ZNRF1: variants seen among roughly 807,000 people sequenced by gnomAD.
ZNRF1 encodes the protein E3 ubiquitin-protein ligase ZNRF1.
In ZNRF1, 3 loss-of-function variants were observed where a neutral mutation model predicts 18.4. The observed-to-expected ratio is 0.16, with a 90% confidence interval of 0.07 to 0.42. The LOEUF is 0.42. ZNRF1 is among the 10% of genes least tolerant of loss of function. The probability of loss-of-function intolerance (pLI) is 0.99; values close to 1 mark genes in which losing one functional copy is unlikely to be tolerated. For synonymous variants in ZNRF1, 157 were observed against 144.2 expected, an observed-to-expected ratio of 1.09 and a Z score of -0.64; for missense variants, 310 against 329.8, an observed-to-expected ratio of 0.94 and a Z score of 0.47.
Position 74,999,959 on chromosome 16 carries a change from C to T in ZNRF1, c.288C>T (p.Thr96=). 3 of 1,579,580 alleles carry T rather than the reference C, an allele frequency of 1.9e-6. No individual in the cohort carries two copies. Among genetic ancestry groups the T allele is most frequent in the Non-Finnish European group, 2.6e-6 (3 of 1,163,668 alleles). ...PGGGGSASDS[T]YAHGNGYQET... The stretch of plus-strand genomic sequence containing the variant: ...GCGGAGGGTCTGCGTCCGACTCCAC[C>T]TATGCCCATGGCAATGGTTACCAGG... Residue 96 remains threonine, a synonymous_variant, in exon 1 of 5, where the codon ACC becomes ACT. Coordinates refer to ENST00000335325, the MANE Select transcript of ZNRF1 (RefSeq NM_032268.5).
chr16:75,019,277 C>T (rs889061525), intron 1 of ZNRF1, among the ~76,000 whole-genome samples: 1 of 151,820 alleles, frequency 6.6e-6, no homozygotes, highest in African/African-American at 2.4e-5. Context: ...CAGTCTCAAG[C>T]GATCTTCTCA....
rs546473900 is a variant in ZNRF1, at chr16:75,004,175, C to CT, written c.424+4081dup. Among the ~76,000 whole-genome samples the CT allele has an allele frequency of 1.3e-4, 20 of 152,238 alleles. No homozygotes were observed. In the East Asian group the frequency reaches 3.1e-3, roughly 24 times the overall value. ...GGAGAGAGGTTTACAGCTGTGCTAGCTGTAGCCCCCAAATGGAATCTGGTT... is the reference window on the plus strand; with the variant it reads ...GGAGAGAGGTTTACAGCTGTGCTAGCTTGTAGCCCCCAAATGGAATCTGGTT... On this transcript the variant is annotated intron_variant, in intron 1 of 4. Coordinates refer to ENST00000335325, the MANE Select transcript of ZNRF1 (RefSeq NM_032268.5).
chr16:75,032,967 C>A (rs546131735), intron 1 of ZNRF1, among the ~76,000 whole-genome samples: 6 of 152,152 alleles, frequency 3.9e-5, no homozygotes, highest in African/African-American at 9.7e-5. Flanking sequence ...GAGCTGTAAG[C>A]ATGCTGCTGC....
intron 1 of ZNRF1, among the ~76,000 whole-genome samples, chr16:75,021,023 C>T (rs987284511): frequency 6.6e-6 from 1 of 152,056 alleles, no homozygotes; most frequent in African/African-American, 2.4e-5. Flanking sequence ...ATCGGTATTA[C>T]AATTCTACCT....
chr16:75,004,926 T>C (rs2034899624), intron 1 of ZNRF1, among the ~76,000 whole-genome samples: 1 of 152,172 alleles, frequency 6.6e-6, no homozygotes, highest in Non-Finnish European at 1.5e-5. Flanking sequence ...CAACGTGGCT[T>C]TTAATAAGTC....
chr16:75,097,700 C>T (rs1310014969), intron 2 of ZNRF1, among the ~76,000 whole-genome samples: 2 of 152,142 alleles, frequency 1.3e-5, no homozygotes, highest in Non-Finnish European at 2.9e-5. Context: ...GCCTGTAGTT[C>T]CAACTTCTCA....
chr16:75,032,530 A>G (rs2145351655), intron 1 of ZNRF1, among the ~76,000 whole-genome samples: 2 of 151,556 alleles, frequency 1.3e-5, no homozygotes, highest in Middle Eastern at 6.8e-3. Flanking sequence ...GCGAAACTCC[A>G]TCTCAAAAAA....
chr16:75,105,508 T>C (rs11149797), intron 3 of ZNRF1: 142,308 of 152,624 alleles, frequency 0.93, 66,406 homozygotes, highest in African/African-American at 0.96. Context: ...CCAGCACCTG[T>C]TGAATCCTCG....
At chr16:75,069,719 G>T (rs1044398923) in intron 1 of ZNRF1, among the ~76,000 whole-genome samples, 1 of 152,130 alleles carries the variant, frequency 6.6e-6, no homozygotes, top group African/African-American at 2.4e-5. Flanking sequence ...GCCTCATCTG[G>T]ACTTTTTAAA....
chr16:75,078,283 A>ATTTC (rs1252585081), intron 1 of ZNRF1, among the ~76,000 whole-genome samples: 1 of 108,734 alleles, frequency 9.2e-6, no homozygotes, highest in South Asian at 2.9e-4. Flanking sequence ...TCTTCCATAC[A>ATTTC]TTTCTTTCTT....
intron 1 of ZNRF1, among the ~76,000 whole-genome samples, chr16:75,053,501 A>G (rs913165890): frequency 3.3e-5 from 5 of 151,066 alleles, no homozygotes; most frequent in Non-Finnish European, 1.5e-5. Flanking sequence ...AGGCAGGAGA[A>G]TCGCTTGAAC....
intron 1 of ZNRF1, among the ~76,000 whole-genome samples, chr16:75,026,383 G>T (rs1369287879): frequency 1.3e-5 from 2 of 152,052 alleles, no homozygotes; most frequent in Non-Finnish European, 2.9e-5. Flanking sequence ...CCAACAGCAA[G>T]GTCAATGTTT....
chr16:75,071,904 C>T (rs985384217), intron 1 of ZNRF1, among the ~76,000 whole-genome samples: 5 of 152,110 alleles, frequency 3.3e-5, no homozygotes, highest in African/African-American at 1.2e-4. Context: ...CTGACTCCTG[C>T]ACCTAGGGTA....
At chr16:75,033,775 T>C (rs1215487701) in intron 1 of ZNRF1, among the ~76,000 whole-genome samples, 1 of 152,196 alleles carries the variant, frequency 6.6e-6, no homozygotes, top group African/African-American at 2.4e-5. Flanking sequence ...CATTTTAAAA[T>C]ATTTACCTCT....
At chr16:75,024,360 T>G (rs2035194021) in intron 1 of ZNRF1, among the ~76,000 whole-genome samples, 8 of 152,182 alleles carry the variant, frequency 5.3e-5, no homozygotes, top group Admixed American at 5.2e-4. Context: ...GTTGAGAACG[T>G]TTTTTTAAAA....
chr16:75,020,144 C>A (rs549198179), intron 1 of ZNRF1, among the ~76,000 whole-genome samples: 1 of 152,266 alleles, frequency 6.6e-6, no homozygotes, highest in South Asian at 2.1e-4. Context: ...AGAATTGTTT[C>A]CTAGAGAATT....
chr16:75,093,110 C>T (rs1037334418), intron 1 of ZNRF1, among the ~76,000 whole-genome samples: 3 of 152,166 alleles, frequency 2.0e-5, no homozygotes, highest in African/African-American at 7.2e-5. Context: ...TGCCACCGGG[C>T]GCGGTGGCTC....
At chr16:75,036,156 G>C (rs1484558860) in intron 1 of ZNRF1, among the ~76,000 whole-genome samples, 1 of 152,036 alleles carries the variant, frequency 6.6e-6, no homozygotes, top group Non-Finnish European at 1.5e-5. Context: ...CAGCAGCCTT[G>C]ACCTCCTGGG....
chr16:75,101,710 A>AGT (rs2145428919), intron 2 of ZNRF1, among the ~76,000 whole-genome samples: 1 of 152,374 alleles, frequency 6.6e-6, no homozygotes, highest in Admixed American at 6.5e-5. Flanking sequence ...TTTTAACTAA[A>AGT]GTAGTGCACA....
Sources: allele counts gnomAD v4.1 joint callset (sites outside exome capture counted in the v4.1 genomes callset), GRCh38; gene constraint gnomAD v4.1.1; transcripts MANE v1.5; gene names NCBI Gene and HGNC (gene_info 2026-07-23, HGNC 2026-07-21).